Variants in LDHC observed in about 807,000 individuals in gnomAD.
LDHC encodes L-lactate dehydrogenase C chain.
A neutral mutation model predicts 30.2 loss-of-function variants in LDHC; 20 were observed. The ratio of observed to expected loss-of-function variants is 0.66; its 90% CI spans 0.47 to 0.96. The LOEUF (loss-of-function observed/expected upper bound fraction) is 0.96. Ranked by LOEUF, LDHC falls within the 40% of genes least tolerant of loss-of-function variation. LDHC has a pLI of 0.00. For missense variants in LDHC, 362 were observed against 394.9 expected (o/e 0.92, Z 0.71); for synonymous variants, 139 against 132.7 (o/e 1.05, Z -0.32).
intron 2 of LDHC, among the ~76,000 whole-genome samples, chr11:18,413,093 T>A (rs1431160724): frequency 1.3e-5 from 2 of 151,832 alleles, no homozygotes; most frequent in East Asian, 3.9e-4. Flanking sequence ...CTTTTCTTTT[T>A]CTTTTTTTGA....
intron 4 of LDHC, 103 bp from the exon 5 acceptor site, chr11:18,434,637 A>T: frequency 1.5e-6 from 1 of 675,854 alleles, no homozygotes; most frequent in East Asian, 2.6e-5. Context: ...CTTTGTAATA[A>T]ATCTGTATTT....
At chr11:18,418,147 G>T (rs1230873474) in intron 3 of LDHC, among the ~76,000 whole-genome samples, 1 of 151,404 alleles carries the variant, frequency 6.6e-6, no homozygotes, top group Non-Finnish European at 1.5e-5. Context: ...AAATCTCAAT[G>T]TTGAATGTGG....
chr11:18,431,962 A>T (rs1423060344), intron 4 of LDHC, among the ~76,000 whole-genome samples: 1 of 151,898 alleles, frequency 6.6e-6, no homozygotes, highest in East Asian at 1.9e-4. Flanking sequence ...TTTCAATTTC[A>T]TTTAGTTCTG....
chr11:18,445,284 G>A (rs1250608085), intron 6 of LDHC, among the ~76,000 whole-genome samples: 1 of 151,970 alleles, frequency 6.6e-6, no homozygotes, highest in Non-Finnish European at 1.5e-5. Context: ...TGCCCACCAG[G>A]TTCAAGTGAT....
At chr11:18,431,131 C>A (rs1359330701) in intron 4 of LDHC, among the ~76,000 whole-genome samples, 1 of 150,854 alleles carries the variant, frequency 6.6e-6, no homozygotes. Flanking sequence ...AAAAAAAAAA[C>A]CAAAGCAAAC....
At chr11:18,416,693 T>C (rs1024083040) in intron 3 of LDHC, among the ~76,000 whole-genome samples, 4 of 148,256 alleles carry the variant, frequency 2.7e-5, no homozygotes, top group Non-Finnish European at 4.5e-5. Context: ...CCTTCCATCT[T>C]CCCCTTCCCT....
chr11:18,438,821 A>G (rs1054432530), intron 6 of LDHC, among the ~76,000 whole-genome samples, 176 bp downstream of exon 6: 1 of 152,204 alleles, frequency 6.6e-6, no homozygotes, highest in African/African-American at 2.4e-5. Context: ...TTTTTCAAAA[A>G]GAAAAAGTAC....
At chr11:18,430,026 G>A (rs1440874828) in intron 4 of LDHC, 116 bp downstream of exon 4, 4 of 607,422 alleles carry the variant, frequency 6.6e-6, no homozygotes, top group Non-Finnish European at 1.1e-5. Context: ...CTCGTTTAAA[G>A]TATATAACGC....
rs1302761344 is a variant in LDHC, at chr11:18,415,946, C to T, written c.244+645C>T. Among the ~76,000 whole-genome samples, 8 of 152,164 alleles carry T rather than the reference C, an allele frequency of 5.3e-5. No homozygotes were observed. In the East Asian group the frequency reaches 5.8e-4, roughly 11 times the overall value. ...CTGACTTCAGGTGATCCACTTGCCT[C>T]GGCCTTCCAAAGTGCTGGAATTACA... On this transcript the variant is annotated intron_variant, in intron 3 of 7. Transcript: ENST00000541669.
intron 5 of LDHC, among the ~76,000 whole-genome samples, chr11:18,435,805 C>T (rs1590231597): frequency 2.0e-5 from 3 of 152,190 alleles, no homozygotes; most frequent in Non-Finnish European, 4.4e-5. Context: ...TCTACTTTCT[C>T]ACTCTGTAGA....
At chr11:18,433,943 T>C (rs2698566) in intron 4 of LDHC, among the ~76,000 whole-genome samples, 17,487 of 152,222 alleles carry the variant, frequency 0.11, 1,185 homozygotes, top group East Asian at 0.32. Flanking sequence ...ACACCGATTA[T>C]TCTTAGGTTT....
At chr11:18,412,466 A>C (rs1271475548) in intron 1 of LDHC, 58 bp downstream of exon 1, 1 of 410,820 alleles carries the variant, frequency 2.4e-6, no homozygotes, top group Non-Finnish European at 4.5e-6. Context: ...AGCATTTGTG[A>C]GCGTGTGGTG....
chr11:18,438,595 G>A lies in LDHC; in HGVS notation c.660G>A (p.Thr220=), dbSNP rs368187321. 5.6e-5 allele frequency: 91 copies of A among 1,612,678 alleles called. No homozygotes were observed. Among genetic ancestry groups the A allele is most frequent in the Middle Eastern group, 1.6e-4 (1 of 6,082 alleles). Residue 220 remains threonine (T), a synonymous_variant, in exon 6 of 8, where the codon ACG becomes ACA. Transcript: ENST00000541669. ...AGACTCTGGACCCTAAATTAGGAAC[G>A]GATTCAGATAAGGAACACTGGAAAA... ...ALKTLDPKLG[T]DSDKEHWKNI... is the part of the protein sequence containing the mutation.
At position 18,420,641 on chromosome 11, in the gene LDHC, TAA is replaced by T. The variant is rs11321502; in HGVS notation, c.244+5363_244+5364del. ...GGCAGCATAGTGAAATCTTGTCTCT[TAA>T]AAAAAAAAAAAAAAAAAAAAAAGGA... is the stretch of plus-strand genomic sequence containing the variant. On this transcript the variant is annotated intron_variant, in intron 3 of 7. Transcript: ENST00000541669. 1.5e-3 allele frequency among the ~76,000 whole-genome samples: 110 copies of T among 72,352 alleles called. 1 individual carries two copies. Among genetic ancestry groups the T allele is most frequent in the East Asian group, 3.4e-3 (8 of 2,376 alleles). 47.5% of individuals were successfully genotyped at this position (72,352 alleles called of 152,430 possible).
chr11:18,450,717 G>C (rs1239237176), intron 7 of LDHC: 3 of 356,898 alleles, frequency 8.4e-6, no homozygotes, highest in Non-Finnish European at 1.5e-5. Flanking sequence ...TAAGGGATAA[G>C]GTAAATTGTA....
chr11:18,413,293 G>A (rs2134042388), intron 2 of LDHC, among the ~76,000 whole-genome samples: 1 of 151,898 alleles, frequency 6.6e-6, no homozygotes, highest in South Asian at 2.1e-4. Flanking sequence ...ATGTTGGCCA[G>A]GCTGGTTTCG....
At chr11:18,413,115 T>C (rs1866930442) in intron 2 of LDHC, among the ~76,000 whole-genome samples, 1 of 151,840 alleles carries the variant, frequency 6.6e-6, no homozygotes, top group African/African-American at 2.4e-5. Context: ...ACAGGATTTG[T>C]CTGTTACCCA....
In LDHC at chr11:18,412,777, G is replaced by T. The variant is rs369553713; in HGVS notation, c.60G>T (p.Gln20His). 6 of 1,613,878 alleles carry T rather than the reference G, an allele frequency of 3.7e-6. No homozygotes were observed. The South Asian group carries it at 4.4e-5, about 12-fold the overall frequency. ...EKLIEDDENS[Q>H]CKITIVGTGA... is the part of the protein sequence containing the mutation. The stretch of plus-strand genomic sequence containing the variant: ...TAATTGAGGATGATGAAAACTCCCA[G>T]TGTAAAATTACTATTGTTGGAACTG... Residue 20 changes from glutamine to histidine, a missense_variant, in exon 2 of 8, where the codon CAG (glutamine) becomes CAT (histidine). Gln to His is a conservative substitution (Grantham distance 24). Transcript: ENST00000541669.
At chr11:18,430,944 G>C (rs567737011) in intron 4 of LDHC, among the ~76,000 whole-genome samples, 2 of 151,780 alleles carry the variant, frequency 1.3e-5, no homozygotes, top group South Asian at 4.2e-4. Context: ...CAGAAGGATC[G>C]CTTGAGCCTA....
Sources: allele counts gnomAD v4.1 joint callset (sites outside exome capture counted in the v4.1 genomes callset), GRCh38; gene constraint gnomAD v4.1.1; transcripts MANE v1.5; gene names NCBI Gene and HGNC (gene_info 2026-07-23, HGNC 2026-07-21).